Variants in GRID2 observed in about 807,000 individuals in gnomAD.
The protein encoded by GRID2 is glutamate ionotropic receptor delta type subunit 2.
GRID2 carries 33 observed loss-of-function variants against 114.8 expected under a neutral mutation model. The ratio of observed to expected loss-of-function variants is 0.29; its 90% CI spans 0.22 to 0.38. The LOEUF is 0.38. GRID2 is among the 10% of genes least tolerant of loss of function. GRID2 has a pLI of 1.00. For synonymous variants in GRID2, 505 were observed against 449.9 expected, an observed-to-expected ratio of 1.12 and a Z score of -1.55; for missense variants, 1,184 against 1,257.7, an observed-to-expected ratio of 0.94 and a Z score of 0.89.
At chr4:93,764,396 G>C (rs930649519) in intron 14 of GRID2, among the ~76,000 whole-genome samples, 1 of 152,116 alleles carries the variant, frequency 6.6e-6, no homozygotes, top group African/African-American at 2.4e-5. Context: ...ATCATTCATT[G>C]ATCATATGGG....
rs1156413612 is a variant in GRID2, at chr4:92,384,561, A to G, written c.88+79817A>G. 5.2e-5 allele frequency among the ~76,000 whole-genome samples: 4 copies of G among 76,864 alleles called. 1 individual carries two copies. In the South Asian group the frequency reaches 9.3e-4, roughly 18 times the overall value. The allele number at this position is 76,864 out of a possible 152,430, so 50.4% of individuals were successfully genotyped here. A position where few individuals can be genotyped will look rare whatever the true frequency, so the allele number is the denominator to read the frequency against. ...ATATAATATATAATATATATTATAT[A>G]TAATATAATATATAAAATATATTAT... On this transcript the variant is annotated intron_variant, in intron 1 of 15. Coordinates refer to ENST00000282020, the MANE Select transcript of GRID2 (RefSeq NM_001510.4).
At chr4:93,543,183 T>G (rs1578224204) in intron 13 of GRID2, among the ~76,000 whole-genome samples, 1 of 152,282 alleles carries the variant, frequency 6.6e-6, no homozygotes, top group East Asian at 1.9e-4. Flanking sequence ...AAAGTTCAAA[T>G]TGAATTTGGA....
At chr4:93,158,691 G>A (rs558154245) in intron 4 of GRID2, among the ~76,000 whole-genome samples, 6 of 151,734 alleles carry the variant, frequency 4.0e-5, no homozygotes, top group Admixed American at 2.6e-4. Flanking sequence ...TCTGGAGTTC[G>A]AGTTTGGCAA....
At chr4:93,512,537 G>A (rs1414224222) in intron 12 of GRID2, among the ~76,000 whole-genome samples, 1 of 151,954 alleles carries the variant, frequency 6.6e-6, no homozygotes, top group African/African-American at 2.4e-5. Context: ...GTGCTATGAT[G>A]GAACATGCTG....
chr4:93,406,923 A>G (rs1184229527), intron 9 of GRID2, among the ~76,000 whole-genome samples: 4 of 152,194 alleles, frequency 2.6e-5, no homozygotes, highest in African/African-American at 7.2e-5. Context: ...AAAACGTCAC[A>G]GAAAGTTTTT....
At chr4:93,699,903 C>T (rs7682768) in intron 14 of GRID2, among the ~76,000 whole-genome samples, 2 of 151,844 alleles carry the variant, frequency 1.3e-5, no homozygotes, top group African/African-American at 4.8e-5. Context: ...TTATTCTAAA[C>T]TGTGACATAT....
At chr4:92,829,587 A>G (rs1252463754) in intron 2 of GRID2, among the ~76,000 whole-genome samples, 1 of 152,170 alleles carries the variant, frequency 6.6e-6, no homozygotes, top group Non-Finnish European at 1.5e-5. Flanking sequence ...ATTATTGGGT[A>G]TATACCCAAA....
At chr4:93,317,809 A>T (rs1438150633) in intron 8 of GRID2, among the ~76,000 whole-genome samples, 1 of 150,964 alleles carries the variant, frequency 6.6e-6, no homozygotes, top group East Asian at 1.9e-4. Flanking sequence ...TCACCTTCTT[A>T]TTTTATCTCT....
chr4:93,377,222 T>G (rs887794422), intron 8 of GRID2, among the ~76,000 whole-genome samples: 1 of 152,174 alleles, frequency 6.6e-6, no homozygotes, highest in Non-Finnish European at 1.5e-5. Flanking sequence ...TTTGAGTTTA[T>G]AATTTTATTC....
At chr4:93,204,580 T>G (rs1182264804) in intron 4 of GRID2, among the ~76,000 whole-genome samples, 1 of 152,202 alleles carries the variant, frequency 6.6e-6, no homozygotes, top group Non-Finnish European at 1.5e-5. Flanking sequence ...ATCATGGCTT[T>G]AGACAACATG....
At position 93,089,936 on chromosome 4, in the gene GRID2, T is replaced by C. The variant is rs548224878; in HGVS notation, c.529+4657T>C. 1.6e-4 allele frequency among the ~76,000 whole-genome samples: 24 copies of C among 152,234 alleles called. No homozygotes were observed. The South Asian group carries it at 4.3e-3, about 28-fold the overall frequency. On this transcript the variant is annotated intron_variant, in intron 3 of 15. Transcript: ENST00000282020. ...GTTCAAGTGAATACCCTATGTGTAA[T>C]GGGCTTGTATGGCAGCTGAGAAACC...
At chr4:93,211,094 T>C (rs889312178) in intron 5 of GRID2, among the ~76,000 whole-genome samples, 1 of 152,142 alleles carries the variant, frequency 6.6e-6, no homozygotes, top group African/African-American at 2.4e-5. Context: ...TATTGGTTGA[T>C]AAGATTGCAG....
intron 1 of GRID2, among the ~76,000 whole-genome samples, chr4:92,477,485 A>G (rs1409465192): frequency 6.6e-6 from 1 of 151,962 alleles, no homozygotes; most frequent in East Asian, 1.9e-4. Context: ...CAGAGACAGT[A>G]TGCTTGATTG....
chr4:93,366,136 G>A (rs1762311360), intron 8 of GRID2, among the ~76,000 whole-genome samples: 1 of 152,010 alleles, frequency 6.6e-6, no homozygotes, highest in Admixed American at 6.6e-5. Flanking sequence ...AAAAAGAACA[G>A]GATAACAGCA....
intron 2 of GRID2, among the ~76,000 whole-genome samples, chr4:92,764,051 C>G (rs762207869): frequency 1.3e-5 from 2 of 152,172 alleles, no homozygotes; most frequent in African/African-American, 4.8e-5. Flanking sequence ...CTACTTCCAT[C>G]TGGTTCCCTC....
chr4:93,511,482 ATC>A (rs1729174144), intron 12 of GRID2, among the ~76,000 whole-genome samples: 1 of 152,128 alleles, frequency 6.6e-6, no homozygotes, highest in Non-Finnish European at 1.5e-5. Flanking sequence ...TAAAAAAATA[ATC>A]TCAGTCAGGT....
At chr4:92,927,448 A>T (rs907221489) in intron 2 of GRID2, among the ~76,000 whole-genome samples, 2 of 151,800 alleles carry the variant, frequency 1.3e-5, no homozygotes, top group Non-Finnish European at 2.9e-5. Flanking sequence ...CCAAGTTCCA[A>T]TTCCCACAGG....
At chr4:93,596,616 C>G (rs923725097) in intron 13 of GRID2, among the ~76,000 whole-genome samples, 2 of 152,048 alleles carry the variant, frequency 1.3e-5, no homozygotes, top group African/African-American at 4.8e-5. Context: ...AGAAAGGCTA[C>G]TTGAGAATGA....
At chr4:93,798,993 C>T (rs949607962) in intron 1 of GRID2, among the ~76,000 whole-genome samples, 7 of 152,196 alleles carry the variant, frequency 4.6e-5, no homozygotes, top group Non-Finnish European at 1.5e-5. Context: ...AGAGTGGTTA[C>T]TCACTGAGGC....
Sources: gnomAD v4.1 joint callset for allele counts (sites outside exome capture counted in the v4.1 genomes callset) on GRCh38, gnomAD v4.1.1 for gene constraint, MANE v1.5 for transcripts, NCBI Gene and HGNC (gene_info 2026-07-23, HGNC 2026-07-21) for gene names.